LY96: variants seen among roughly 807,000 people sequenced by gnomAD.
LY96 encodes lymphocyte antigen 96.
In LY96, 18 loss-of-function variants were observed where a neutral mutation model predicts 18.9. That is an observed-to-expected ratio of 0.95 (90% confidence interval 0.66 to 1.41). The LOEUF (loss-of-function observed/expected upper bound fraction) is 1.41. Ranked by LOEUF, LY96 falls within the 40% of genes most tolerant of loss-of-function variation. LY96 has a pLI of 0.00. For missense variants in LY96, 175 were observed against 182.4 expected (o/e 0.96, Z 0.23); for synonymous variants, 66 against 62.6 (o/e 1.06, Z -0.26).
At chr8:74,041,404 C>T in the LY96 span, among the ~76,000 whole-genome samples, 32 of 152,180 alleles carry the variant, frequency 2.1e-4, no homozygotes, top group East Asian at 4.0e-3. Flanking sequence ...ACAGAATAAC[C>T]GCAATTTTCA....
At chr8:74,045,393 G>A in the LY96 span, among the ~76,000 whole-genome samples, 1 of 152,182 alleles carries the variant, frequency 6.6e-6, no homozygotes. Flanking sequence ...CTTAACAGCA[G>A]ACAGATTTAG....
the LY96 span, among the ~76,000 whole-genome samples, chr8:74,071,597 T>C: frequency 6.6e-6 from 1 of 152,182 alleles, no homozygotes; most frequent in African/African-American, 2.4e-5. Flanking sequence ...ATTTCCAAAA[T>C]TTTCTATCTA....
chr8:74,023,247 T>C (rs1381124306), intron 3 of LY96, among the ~76,000 whole-genome samples: 4 of 151,860 alleles, frequency 2.6e-5, no homozygotes, highest in Admixed American at 1.3e-4. Flanking sequence ...ACAGGGAGGG[T>C]CAGGATCCGG....
At chr8:74,064,014 T>C in the LY96 span, among the ~76,000 whole-genome samples, 2 of 152,110 alleles carry the variant, frequency 1.3e-5, no homozygotes, top group Non-Finnish European at 2.9e-5. Context: ...TTAGGGAAAA[T>C]AAGTATTTAC....
the LY96 span, among the ~76,000 whole-genome samples, chr8:74,067,735 A>G: frequency 6.6e-6 from 1 of 152,044 alleles, no homozygotes; most frequent in African/African-American, 2.4e-5. Context: ...TTGAAAAAAA[A>G]AATATTTGCA....
chr8:74,098,945 A>G, the LY96 span, among the ~76,000 whole-genome samples: 8 of 152,192 alleles, frequency 5.3e-5, no homozygotes, highest in South Asian at 1.5e-3. Flanking sequence ...AGAACAGGAA[A>G]ATGAAAAGGA....
the LY96 span, among the ~76,000 whole-genome samples, chr8:74,061,357 ACTGT>A: frequency 1.3e-5 from 2 of 152,216 alleles, no homozygotes; most frequent in Non-Finnish European, 2.9e-5. Flanking sequence ...AAACAAGATG[ACTGT>A]CTGCTTTGCA....
the LY96 span, among the ~76,000 whole-genome samples, chr8:74,048,378 C>T: frequency 1.1e-4 from 16 of 152,066 alleles, no homozygotes; most frequent in Non-Finnish European, 1.5e-5. Flanking sequence ...TTTCCTGCCT[C>T]AGCCTTCTGA....
At chr8:74,053,202 A>G in the LY96 span, among the ~76,000 whole-genome samples, 1 of 152,252 alleles carries the variant, frequency 6.6e-6, no homozygotes, top group East Asian at 1.9e-4. Context: ...CTTTTGATAC[A>G]TGACTTCGCC....
At chr8:74,011,049 C>T (rs1467600935) in intron 3 of LY96, among the ~76,000 whole-genome samples, 1 of 152,144 alleles carries the variant, frequency 6.6e-6, no homozygotes, top group Admixed American at 6.6e-5. Context: ...TTCTCTCCCT[C>T]CTCCCACTTT....
At chr8:73,992,951 T>C (rs1816039560) in intron 1 of LY96, among the ~76,000 whole-genome samples, 1 of 149,590 alleles carries the variant, frequency 6.7e-6, no homozygotes, top group African/African-American at 2.5e-5. Flanking sequence ...GCCTCCCAAG[T>C]TCAAACGATT....
chr8:74,031,294 C>CA (rs1816965568), downstream of LY96, among the ~76,000 whole-genome samples: 1 of 151,822 alleles, frequency 6.6e-6, no homozygotes, highest in Non-Finnish European at 1.5e-5. Flanking sequence ...TCCAAAATAA[C>CA]AAAAAACAAA....
At chr8:74,020,943 G>A (rs956549014) in intron 3 of LY96, among the ~76,000 whole-genome samples, 1 of 152,126 alleles carries the variant, frequency 6.6e-6, no homozygotes, top group South Asian at 2.1e-4. Flanking sequence ...AGACTTAAAT[G>A]TTAGACCTAA....
At chr8:74,018,741 A>G (rs977950871) in intron 3 of LY96, among the ~76,000 whole-genome samples, 1 of 152,248 alleles carries the variant, frequency 6.6e-6, no homozygotes, top group Non-Finnish European at 1.5e-5. Context: ...CCACAATGCA[A>G]TCAAATTAGA....
At chr8:74,005,453 A>G (rs957851800) in intron 2 of LY96, among the ~76,000 whole-genome samples, 7 of 152,250 alleles carry the variant, frequency 4.6e-5, no homozygotes, top group African/African-American at 1.4e-4. Context: ...ACATGTGGGT[A>G]GAAATGGGAA....
chr8:74,013,988 T>C (rs575041997), intron 3 of LY96, among the ~76,000 whole-genome samples: 1 of 151,752 alleles, frequency 6.6e-6, no homozygotes, highest in South Asian at 2.1e-4. Context: ...GGCAGGAAAC[T>C]TGGGTGGAAG....
the LY96 span, among the ~76,000 whole-genome samples, chr8:74,060,157 A>ACGACGACGACGACGACG: frequency 6.6e-6 from 1 of 151,894 alleles, no homozygotes; most frequent in Non-Finnish European, 1.5e-5. Flanking sequence ...AAACAACAAC[A>ACGACGACGACGACGACG]ACGACGACGA....
chr8:73,997,678 C>T (rs1369488460), intron 1 of LY96, among the ~76,000 whole-genome samples: 1 of 152,166 alleles, frequency 6.6e-6, no homozygotes, highest in African/African-American at 2.4e-5. Context: ...TAGGCTGACA[C>T]CTGTGGTTCT....
chr8:74,079,933 A>G, the LY96 span, among the ~76,000 whole-genome samples: 1 of 152,182 alleles, frequency 6.6e-6, no homozygotes, highest in Non-Finnish European at 1.5e-5. Context: ...GGAAGGGGGA[A>G]GAACTGATCC....
Sources: gnomAD v4.1 joint callset for allele counts (sites outside exome capture counted in the v4.1 genomes callset) on GRCh38, gnomAD v4.1.1 for gene constraint, MANE v1.5 for transcripts, NCBI Gene and HGNC (gene_info 2026-07-23, HGNC 2026-07-21) for gene names.